Variants in ZNF385B observed in about 807,000 individuals in gnomAD.
ZNF385B encodes the protein zinc finger protein 533.
ZNF385B carries 23 observed loss-of-function variants against 39.2 expected under a neutral mutation model. The ratio of observed to expected loss-of-function variants is 0.59; its 90% CI spans 0.42 to 0.83. The LOEUF is 0.83. Among genes scored for constraint, ZNF385B ranks in the 40% least tolerant of loss-of-function variants. The probability of loss-of-function intolerance (pLI) is 0.00; values close to 1 mark genes in which losing one functional copy is unlikely to be tolerated. For missense variants in ZNF385B, 552 were observed against 598.9 expected (o/e 0.92, Z 0.82); for synonymous variants, 205 against 222.6 (o/e 0.92, Z 0.70).
At chr2:179,587,669 CT>C (rs1311176819) in intron 3 of ZNF385B, among the ~76,000 whole-genome samples, 2 of 150,478 alleles carry the variant, frequency 1.3e-5, no homozygotes, top group African/African-American at 2.4e-5. Context: ...AAAATAAAAA[CT>C]TTCCCAAAAA....
intron 1 of ZNF385B, among the ~76,000 whole-genome samples, chr2:179,843,566 C>T (rs1013843788): frequency 1.3e-5 from 2 of 152,228 alleles, no homozygotes; most frequent in African/African-American, 4.8e-5. Flanking sequence ...CAGTAACTGC[C>T]TCTCTCTTTT....
intron 3 of ZNF385B, among the ~76,000 whole-genome samples, chr2:179,747,538 C>G (rs1702451973): frequency 6.6e-6 from 1 of 152,056 alleles, no homozygotes; most frequent in South Asian, 2.1e-4. Context: ...CTGCCTCACC[C>G]AACACACACA....
At chr2:179,727,404 G>A (rs918297717) in intron 3 of ZNF385B, among the ~76,000 whole-genome samples, 1 of 151,974 alleles carries the variant, frequency 6.6e-6, no homozygotes, top group Non-Finnish European at 1.5e-5. Flanking sequence ...TGCAGCATGA[G>A]CTATCTTATA....
chr2:179,634,993 A>AAAAAAAAAAT (rs1166340577), intron 3 of ZNF385B, among the ~76,000 whole-genome samples: 1 of 140,410 alleles, frequency 7.1e-6, no homozygotes, highest in African/African-American at 2.7e-5. Context: ...AAAAAAAAAA[A>AAAAAAAAAAT]TAGCCAGGCG....
chr2:179,598,061 T>C (rs1291654700), intron 3 of ZNF385B, among the ~76,000 whole-genome samples: 1 of 152,188 alleles, frequency 6.6e-6, no homozygotes, highest in African/African-American at 2.4e-5. Flanking sequence ...TACAAACTAG[T>C]TTGTGGTTAG....
At chr2:179,768,749 C>T (rs1703846665) in intron 3 of ZNF385B, among the ~76,000 whole-genome samples, 1 of 152,206 alleles carries the variant, frequency 6.6e-6, no homozygotes, top group African/African-American at 2.4e-5. Flanking sequence ...AATTCTGTCA[C>T]AGTGAAGATA....
intron 5 of ZNF385B, among the ~76,000 whole-genome samples, chr2:179,491,320 A>G (rs1369942835): frequency 6.6e-6 from 1 of 152,208 alleles, no homozygotes; most frequent in African/African-American, 2.4e-5. Context: ...CTGGATTGGG[A>G]TCAATATCTG....
intron 9 of ZNF385B, among the ~76,000 whole-genome samples, chr2:179,443,819 T>A (rs1435009282): frequency 6.6e-6 from 1 of 152,214 alleles, no homozygotes; most frequent in Non-Finnish European, 1.5e-5. Flanking sequence ...TCTTAAACCA[T>A]GACGAGACCT....
At chr2:179,574,716 G>T (rs1478824268) in intron 3 of ZNF385B, among the ~76,000 whole-genome samples, 3 of 152,158 alleles carry the variant, frequency 2.0e-5, no homozygotes, top group East Asian at 3.9e-4. Context: ...ACATAGCATA[G>T]ATTGTGAACA....
chr2:179,788,822 G>A (rs953745293), intron 1 of ZNF385B, among the ~76,000 whole-genome samples: 1 of 152,094 alleles, frequency 6.6e-6, no homozygotes, highest in African/African-American at 2.4e-5. Flanking sequence ...AAAAGAGGAT[G>A]CTCCTGTGAC....
At chr2:179,783,313 C>A (rs1344254104) in intron 1 of ZNF385B, among the ~76,000 whole-genome samples, 4 of 151,732 alleles carry the variant, frequency 2.6e-5, no homozygotes, top group African/African-American at 9.7e-5. Flanking sequence ...CTTCCTTATA[C>A]CATCAACAAA....
chr2:179,710,763 C>T (rs755619550), intron 3 of ZNF385B, among the ~76,000 whole-genome samples: 1 of 152,154 alleles, frequency 6.6e-6, no homozygotes, highest in African/African-American at 2.4e-5. Flanking sequence ...ACCTCTTCAC[C>T]GACTGAGCAC....
intron 3 of ZNF385B, among the ~76,000 whole-genome samples, chr2:179,731,770 T>C (rs1051535591): frequency 6.6e-6 from 1 of 152,172 alleles, no homozygotes; most frequent in Non-Finnish European, 1.5e-5. Context: ...GTGGGCATCA[T>C]AGCAAGACCC....
chr2:179,782,239 G>A lies in ZNF385B; in HGVS notation c.-154-11567C>T, dbSNP rs551746368. Among the ~76,000 whole-genome samples, 23 of 152,220 alleles carry A rather than the reference G, an allele frequency of 1.5e-4. No individual in the cohort carries two copies. The East Asian group carries it at 4.1e-3, about 27-fold the overall frequency. On this transcript the variant is annotated intron_variant, in intron 1 of 9. Coordinates refer to ENST00000410066, the MANE Select transcript of ZNF385B (RefSeq NM_152520.6). ...ACAGAACTAAAAAGAAAAAACACATGATTATCTCAATAGACACAGAAAAGG... is the reference window on the plus strand; with the variant it reads ...ACAGAACTAAAAAGAAAAAACACATAATTATCTCAATAGACACAGAAAAGG...
At chr2:179,483,457 C>A in intron 5 of ZNF385B, 23 bp from the exon 6 acceptor site, 1 of 1,612,928 alleles carries the variant, frequency 6.2e-7, no homozygotes, top group South Asian at 1.1e-5. Context: ...ACAAATCAGG[C>A]TCATTTTTTT....
chr2:179,641,882 G>T (rs1005889906), intron 3 of ZNF385B, among the ~76,000 whole-genome samples: 1 of 152,118 alleles, frequency 6.6e-6, no homozygotes, highest in African/African-American at 2.4e-5. Context: ...ATGAAGGTGG[G>T]AAGAAGGTAC....
chr2:179,860,968 AG>A (rs1685011941), intron 1 of ZNF385B, 132 bp downstream of exon 1: 1 of 167,902 alleles, frequency 6.0e-6, no homozygotes, highest in African/African-American at 2.4e-5. Context: ...CTCTACCGGG[AG>A]GGGGGCTCCT....
intron 1 of ZNF385B, among the ~76,000 whole-genome samples, chr2:179,826,922 C>T (rs1707712327): frequency 6.6e-6 from 1 of 152,158 alleles, no homozygotes; most frequent in African/African-American, 2.4e-5. Context: ...CCATTCCACA[C>T]TTAAGTTCCT....
At chr2:179,693,692 A>G (rs1245175147) in intron 3 of ZNF385B, among the ~76,000 whole-genome samples, 1 of 152,210 alleles carries the variant, frequency 6.6e-6, no homozygotes. Context: ...AATACTTTTT[A>G]TGAAATAATC....
Sources: gnomAD v4.1 joint callset for allele counts (sites outside exome capture counted in the v4.1 genomes callset) on GRCh38, gnomAD v4.1.1 for gene constraint, MANE v1.5 for transcripts, NCBI Gene and HGNC (gene_info 2026-07-23, HGNC 2026-07-21) for gene names.